The following PIEZO2 variants were observed in gnomAD, a reference collection of about 807,000 sequenced individuals.
PIEZO2 encodes the protein piezo type mechanosensitive ion channel component 2.
PIEZO2 carries 172 observed loss-of-function variants against 337.3 expected under a neutral mutation model. That is an observed-to-expected ratio of 0.51 (90% CI 0.45 to 0.58). The LOEUF (loss-of-function observed/expected upper bound fraction) is 0.58. PIEZO2 is among the 20% of genes least tolerant of loss of function. The probability of loss-of-function intolerance (pLI) is 0.00; values close to 1 mark genes in which losing one functional copy is unlikely to be tolerated. For synonymous variants in PIEZO2, 1,251 were observed against 1,228.5 expected, an observed-to-expected ratio of 1.02 and a Z score of -0.38; for missense variants, 3,028 against 3,391.3, an observed-to-expected ratio of 0.89 and a Z score of 2.66.
chr18:10,919,386 CT>C (rs2031234075), intron 3 of PIEZO2, among the ~76,000 whole-genome samples: 1 of 152,036 alleles, frequency 6.6e-6, no homozygotes, highest in Admixed American at 6.5e-5. Context: ...TTTCAATTTT[CT>C]TTTGTTGTCC....
At chr18:10,849,797 G>T (rs1280805904) in intron 7 of PIEZO2, among the ~76,000 whole-genome samples, 2 of 152,192 alleles carry the variant, frequency 1.3e-5, no homozygotes, top group African/African-American at 4.8e-5. Context: ...ATTAGCTGAG[G>T]CAAATTTTGT....
rs1185686927 is a variant in PIEZO2 at position 11,099,518 on chromosome 18, A to G, written c.65-33296T>C. Among the ~76,000 whole-genome samples the G allele has an allele frequency of 1.3e-5, 2 of 152,112 alleles. No homozygotes were observed. The highest frequency in any genetic ancestry group is 2.9e-5 in the Non-Finnish European group (2 of 68,024). On this transcript the variant is annotated intron_variant, in intron 1 of 55. Transcript: ENST00000674853. This position sits in a 1 kb window ranked among gnomAD's most constrained non-coding sequence, Gnocchi z 5.4. ...GTCTCACTTTGTCGCCCAGGTTGGT[A>G]TGCAATGGCATGATCTCGGCTCACT...
chr18:11,063,031 C>T (rs985892263), intron 2 of PIEZO2, among the ~76,000 whole-genome samples: 3 of 151,966 alleles, frequency 2.0e-5, no homozygotes, highest in Non-Finnish European at 2.9e-5. Flanking sequence ...CAATGATAGA[C>T]TGGATTAAGA....
intron 2 of PIEZO2, among the ~76,000 whole-genome samples, chr18:11,004,389 A>G (rs2035650150): frequency 6.6e-6 from 1 of 152,140 alleles, no homozygotes; most frequent in Non-Finnish European, 1.5e-5. Context: ...CTGCCCCCAC[A>G]GCCCCCGCCC....
rs1275447215 is a variant in PIEZO2, at chr18:10,943,735, A to G, written c.287-32507T>C. Among the ~76,000 whole-genome samples, 2 of 152,068 alleles carry G rather than the reference A, an allele frequency of 1.3e-5. No individual in the cohort carries two copies. Among genetic ancestry groups the G allele is most frequent in the Non-Finnish European group, 2.9e-5 (2 of 68,006 alleles). ...ATTGGTTTTGAAATGTGAAGATATGAGATTTGGGAGGGGCCAGGGGCAGAA... is the reference window on the plus strand; with the variant it reads ...ATTGGTTTTGAAATGTGAAGATATGGGATTTGGGAGGGGCCAGGGGCAGAA... On this transcript the variant is annotated intron_variant, in intron 3 of 55. Coordinates refer to ENST00000674853, the MANE Select transcript of PIEZO2 (RefSeq NM_001378183.1). This position sits in a 1 kb window ranked among gnomAD's most constrained non-coding sequence, Gnocchi z 4.5.
In PIEZO2 at chr18:10,748,351, T is replaced by C. The variant is rs2037508729; in HGVS notation, c.4424+120A>G. 2 of 985,588 alleles carry C rather than the reference T, an allele frequency of 2.0e-6. No homozygotes were observed. The highest frequency in any genetic ancestry group is 5.5e-5 in the Admixed American group (2 of 36,500). 61.1% of individuals were successfully genotyped at this position (985,588 alleles called of 1,614,324 possible). On this transcript the variant is annotated intron_variant, in intron 30 of 55. Coordinates refer to ENST00000674853, the MANE Select transcript of PIEZO2 (RefSeq NM_001378183.1). This position sits in a 1 kb window ranked among gnomAD's most constrained non-coding sequence, Gnocchi z 5.1. ...TAAATTCTTCTTGGATTGGTTTTGC[T>C]GGAAGGGATTTCTTAACTTCTTGTG... is the stretch of plus-strand genomic sequence containing the variant.
At chr18:10,843,223 TCA>T (rs1253283806) in intron 7 of PIEZO2, among the ~76,000 whole-genome samples, 1 of 152,138 alleles carries the variant, frequency 6.6e-6, no homozygotes, top group Admixed American at 6.5e-5. Context: ...AACAAGATGA[TCA>T]CACTTTCCAA....
At chr18:10,807,382 G>T in intron 7 of PIEZO2, 108 bp from the exon 8 acceptor site, 1 of 979,344 alleles carries the variant, frequency 1.0e-6, no homozygotes, top group Non-Finnish European at 1.5e-6. Flanking sequence ...TTCCTAGGTT[G>T]ATCCGTTCTA....
chr18:10,734,976 T>A (rs1013876613), intron 35 of PIEZO2, among the ~76,000 whole-genome samples: 1 of 152,280 alleles, frequency 6.6e-6, no homozygotes, highest in Non-Finnish European at 1.5e-5. Context: ...AGCAAGTATA[T>A]CTGTATCTGC....
At chr18:10,723,327 T>C (rs191979541) in intron 36 of PIEZO2, among the ~76,000 whole-genome samples, 12 of 152,192 alleles carry the variant, frequency 7.9e-5, no homozygotes, top group African/African-American at 2.4e-4. Flanking sequence ...TTGCTGGTCA[T>C]TGGTGACCTT....
intron 1 of PIEZO2, among the ~76,000 whole-genome samples, chr18:11,081,972 C>A (rs1335896738): frequency 6.6e-6 from 1 of 152,028 alleles, no homozygotes; most frequent in African/African-American, 2.4e-5. Context: ...ATTGGTCAGG[C>A]TGATCTCGAG....
In PIEZO2 at chr18:11,094,585, CCT is replaced by C. The variant is rs1568368773; in HGVS notation, c.65-28365_65-28364del. ...CAGGCACTCAGAAGCCTCGCTGTCCCCTCTCTGAAGACAGATGGCAACGGCAC... is the reference window on the plus strand; with the variant it reads ...CAGGCACTCAGAAGCCTCGCTGTCCCCTCTGAAGACAGATGGCAACGGCAC... On this transcript the variant is annotated intron_variant, in intron 1 of 55. Coordinates refer to ENST00000674853, the MANE Select transcript of PIEZO2 (RefSeq NM_001378183.1). This position sits in a 1 kb window ranked among gnomAD's most constrained non-coding sequence, Gnocchi z 4.4. Among the ~76,000 whole-genome samples, 2 of 152,114 alleles carry C rather than the reference CCT, an allele frequency of 1.3e-5. No homozygotes were observed. The highest frequency in any genetic ancestry group is 2.9e-5 in the Non-Finnish European group (2 of 68,024).
intron 27 of PIEZO2, among the ~76,000 whole-genome samples, chr18:10,755,955 G>A (rs915522772): frequency 2.6e-5 from 4 of 150,976 alleles, no homozygotes; most frequent in Non-Finnish European, 4.4e-5. Context: ...GGAGGATGAA[G>A]AGGAGAGCTA....
intron 35 of PIEZO2, among the ~76,000 whole-genome samples, 30 bp downstream of exon 35, chr18:10,735,202 C>T (rs538288578): frequency 6.6e-6 from 1 of 152,224 alleles, no homozygotes; most frequent in Non-Finnish European, 1.5e-5. Context: ...CAGAGAGTCA[C>T]ACACTACACA....
rs960547474 is a variant in PIEZO2 at position 10,988,981 on chromosome 18, T to G, written c.161-9321A>C. On this transcript the variant is annotated intron_variant, in intron 2 of 55. Coordinates refer to ENST00000674853, the MANE Select transcript of PIEZO2 (RefSeq NM_001378183.1). This position sits in a 1 kb window ranked among gnomAD's most constrained non-coding sequence, Gnocchi z 4.8. ...GTCAAAAGGTACAAAGTTTCAGTTATGCAAGATAAAGAAGTTCTGAAGATC... is the reference window on the plus strand; with the variant it reads ...GTCAAAAGGTACAAAGTTTCAGTTAGGCAAGATAAAGAAGTTCTGAAGATC... Among the ~76,000 whole-genome samples the G allele has an allele frequency of 6.6e-6, 1 of 152,110 alleles. No homozygotes were observed. The highest frequency in any genetic ancestry group is 1.5e-5 in the Non-Finnish European group (1 of 68,002).
chr18:10,974,421 T>C (rs1262323801), intron 3 of PIEZO2, among the ~76,000 whole-genome samples: 3 of 152,206 alleles, frequency 2.0e-5, no homozygotes, highest in African/African-American at 7.2e-5. Flanking sequence ...CAACCAGGAA[T>C]GCTGCCATTG....
In PIEZO2 at chr18:10,942,046, G is replaced by T. The variant is rs1273811006; in HGVS notation, c.287-30818C>A. ...CTGCCATCCACGTAAGATGTGACTTGCTCCTCCTTGCTTTCGGCCACGATC... is the reference window on the plus strand; with the variant it reads ...CTGCCATCCACGTAAGATGTGACTTTCTCCTCCTTGCTTTCGGCCACGATC... On this transcript the variant is annotated intron_variant, in intron 3 of 55. Coordinates refer to ENST00000674853, the MANE Select transcript of PIEZO2 (RefSeq NM_001378183.1). This position sits in a 1 kb window ranked among gnomAD's most constrained non-coding sequence, Gnocchi z 4.4. Among the ~76,000 whole-genome samples, 1 of 152,110 alleles carries T rather than the reference G, an allele frequency of 6.6e-6. No homozygotes were observed. The highest frequency in any genetic ancestry group is 1.5e-5 in the Non-Finnish European group (1 of 68,028).
chr18:10,915,604 G>A (rs1388262563), intron 3 of PIEZO2, among the ~76,000 whole-genome samples: 3 of 152,132 alleles, frequency 2.0e-5, no homozygotes, highest in Non-Finnish European at 2.9e-5. Context: ...CCCTTACCAA[G>A]TAGGTGCTAG....
At position 11,047,757 on chromosome 18, in the gene PIEZO2, G is replaced by A. The variant is rs2037371024; in HGVS notation, c.160+18370C>T. On this transcript the variant is annotated intron_variant, in intron 2 of 55. Coordinates refer to ENST00000674853, the MANE Select transcript of PIEZO2 (RefSeq NM_001378183.1). The surrounding 1 kb of genome is among the most constrained non-coding windows in gnomAD (Gnocchi z 7.2). ...AACTAAGAGTATGGCTTTGACAGGTGTCCCTGCATCTTAAAAGAGCAGTTT... is the reference window on the plus strand; with the variant it reads ...AACTAAGAGTATGGCTTTGACAGGTATCCCTGCATCTTAAAAGAGCAGTTT... Among the ~76,000 whole-genome samples the A allele has an allele frequency of 6.6e-6, 1 of 152,124 alleles. No individual in the cohort carries two copies. The highest frequency in any genetic ancestry group is 2.4e-5 in the African/African-American group (1 of 41,424).
Sources: gnomAD v4.1 joint callset for allele counts (sites outside exome capture counted in the v4.1 genomes callset) on GRCh38, gnomAD v4.1.1 for gene constraint, Gnocchi (gnomAD v3.1) non-coding constraint, MANE v1.5 for transcripts, NCBI Gene and HGNC (gene_info 2026-07-23, HGNC 2026-07-21) for gene names.